ODF4: variants seen among roughly 807,000 people sequenced by gnomAD.
The protein encoded by ODF4 is outer dense fiber of sperm tails 4.
ODF4 carries 11 observed loss-of-function variants against 17.0 expected under a neutral mutation model. That is an observed-to-expected ratio of 0.65 (90% CI 0.41 to 1.07). ODF4 has a LOEUF of 1.07. ODF4 is among the 50% of genes least tolerant of loss of function. The pLI, the probability that ODF4 is intolerant of heterozygous loss-of-function variation, is 0.00. For synonymous variants in ODF4, 127 were observed against 121.8 expected, an observed-to-expected ratio of 1.04 and a Z score of -0.28; for missense variants, 281 against 310.2, an observed-to-expected ratio of 0.91 and a Z score of 0.71.
At chr17:8,341,154 C>T (rs975722608) in intron 1 of ODF4, among the ~76,000 whole-genome samples, 1 of 151,166 alleles carries the variant, frequency 6.6e-6, no homozygotes, top group African/African-American at 2.4e-5. Flanking sequence ...CGCACCATTG[C>T]ACTCCAGCCT....
chr17:8,344,591 C>A lies in ODF4; in HGVS notation c.455-752C>A, dbSNP rs62064307. On this transcript the variant is annotated intron_variant, in intron 1 of 2. Coordinates refer to ENST00000328248, the MANE Select transcript of ODF4 (RefSeq NM_153007.5). ...ACAACCTCCGCTTCCCAGGTTCAAG[C>A]GATTCTCCTGCCTCAGCCTCCGGAG... 2.5e-5 allele frequency among the ~76,000 whole-genome samples: 3 copies of A among 122,426 alleles called. 1 individual carries two copies. The highest frequency in any genetic ancestry group is 1.0e-4 in the African/African-American group (3 of 29,134). 80.3% of individuals were successfully genotyped at this position (122,426 alleles called of 152,430 possible).
Position 8,340,482 on chromosome 17 carries a change from G to C in ODF4, c.431G>C (p.Cys144Ser). Residue 144 changes from cysteine to serine, a missense_variant, in exon 1 of 3, where the codon TGT becomes TCT. Cys to Ser is a moderately radical substitution (Grantham distance 112). Transcript: ENST00000328248. ...CTGCACTTTTACAAATCCAGGAGCT[G>C]TTCTGACTTAGAGAATGGGAAAGGT... ...GLLHFYKSRSCSDLENGKVTF... is the reference protein window; with the variant it reads ...GLLHFYKSRSSSDLENGKVTF... The C allele has an allele frequency of 6.2e-7, 1 of 1,611,768 alleles. No individual in the cohort carries two copies. Among genetic ancestry groups the C allele is most frequent in the South Asian group, 1.1e-5 (1 of 90,984 alleles).
Position 8,345,441 on chromosome 17 carries a change from A to G in ODF4, c.553A>G (p.Ile185Val). 6.2e-7 allele frequency: 1 copy of G among 1,614,060 alleles called. No homozygotes were observed. The highest frequency in any genetic ancestry group is 8.5e-7 in the Non-Finnish European group (1 of 1,179,960). The change falls in exon 2 of 3, where the codon ATT (isoleucine) becomes GTT (valine). Residue 185 changes from isoleucine to valine, a missense_variant. Transcript: ENST00000328248. This position sits in a 1 kb window ranked among gnomAD's most constrained non-coding sequence, Gnocchi z 4.1. ...VSIPIGWSYFIGWLVLILYFT... is the reference protein window; with the variant it reads ...VSIPIGWSYFVGWLVLILYFT... ...CATCCCCATAGGCTGGAGCTATTTC[A>G]TTGGTTGGCTGGTGCTTATCCTATA...
intron 1 of ODF4, among the ~76,000 whole-genome samples, chr17:8,341,150 A>G (rs1160645519): frequency 6.6e-6 from 1 of 151,912 alleles, no homozygotes; most frequent in Non-Finnish European, 1.5e-5. Flanking sequence ...AGACCGCACC[A>G]TTGCACTCCA....
intron 1 of ODF4, among the ~76,000 whole-genome samples, chr17:8,342,932 T>C (rs565839039): frequency 7.3e-5 from 11 of 151,580 alleles, no homozygotes; most frequent in African/African-American, 2.2e-4. Context: ...AGGGTCTCCC[T>C]CTGTTGCCCA....
chr17:8,341,314 G>T (rs2151656482), intron 1 of ODF4, among the ~76,000 whole-genome samples: 1 of 152,268 alleles, frequency 6.6e-6, no homozygotes. Flanking sequence ...TGTACCCAGA[G>T]CTTTGAGAGG....
rs1184043145 is a variant in ODF4 at position 8,345,864 on chromosome 17, C to T, written c.*12C>T. The T allele has an allele frequency of 1.2e-5, 20 of 1,609,586 alleles. No homozygotes were observed. The African/African-American group carries it at 2.4e-4, about 19-fold the overall frequency. On this transcript the variant is annotated 3_prime_UTR_variant, in exon 3 of 3. Transcript: ENST00000328248. This position sits in a 1 kb window ranked among gnomAD's most constrained non-coding sequence, Gnocchi z 4.1. ...ATACACATGTGTAATCTTTTCTGAA[C>T]TCCTGGCACCAAGTTCTGTCCATTC...
At position 8,344,884 on chromosome 17, in the gene ODF4, C is replaced by T. The variant is rs1415476812; in HGVS notation, c.455-459C>T. 4.0e-6 allele frequency: 4 copies of T among 990,328 alleles called. No individual in the cohort carries two copies. In the East Asian group the frequency reaches 3.3e-4, roughly 83 times the overall value. The allele number at this position is 990,328 out of a possible 1,614,324, so 61.3% of individuals were successfully genotyped here. A position where few individuals can be genotyped will look rare whatever the true frequency, so the allele number is the denominator to read the frequency against. ...GTCATTTTCCCCAGGCAGTTTTAAGCTGTGGACAATCAGCCCATGTTTAAG... is the reference window on the plus strand; with the variant it reads ...GTCATTTTCCCCAGGCAGTTTTAAGTTGTGGACAATCAGCCCATGTTTAAG... On this transcript the variant is annotated intron_variant, in intron 1 of 2. Transcript: ENST00000328248.
rs1287831810 is a variant in ODF4, at chr17:8,344,238, C to T, written c.455-1105C>T. 4.7e-5 allele frequency among the ~76,000 whole-genome samples: 6 copies of T among 127,808 alleles called. 1 individual carries two copies. Among genetic ancestry groups the T allele is most frequent in the Non-Finnish European group, 1.0e-4 (6 of 59,596 alleles). The allele number at this position is 127,808 out of a possible 152,430, so 83.8% of individuals were successfully genotyped here. A position where few individuals can be genotyped will look rare whatever the true frequency, so the allele number is the denominator to read the frequency against. On this transcript the variant is annotated intron_variant, in intron 1 of 2. Transcript: ENST00000328248. The stretch of plus-strand genomic sequence containing the variant: ...CATGCTCAGCCTCGATGGTTTTTCA[C>T]AAATCACATTTAATTAGCAATTCTT...
intron 1 of ODF4, among the ~76,000 whole-genome samples, chr17:8,341,945 C>T (rs945035443): frequency 6.6e-6 from 1 of 152,072 alleles, no homozygotes; most frequent in African/African-American, 2.4e-5. Context: ...TACACTTACT[C>T]CATTTGTTCA....
chr17:8,344,771 GTCACCGCGCCTGGCGGTACATTT>G (rs1329575512), intron 1 of ODF4: 1 of 656,334 alleles, frequency 1.5e-6, no homozygotes, highest in Non-Finnish European at 1.9e-6. Context: ...ACAGGCGTGA[GTCACCGCGCCTGGCGGTACATTT>G]TCTTGTATTT....
chr17:8,340,495 G>A lies in ODF4; in HGVS notation c.444G>A (p.Glu148=). 6.2e-7 allele frequency: 1 copy of A among 1,608,380 alleles called. No homozygotes were observed. The highest frequency in any genetic ancestry group is 2.2e-5 in the East Asian group (1 of 44,864). ...AATCCAGGAGCTGTTCTGACTTAGA[G>A]AATGGGAAAGGTGAGCCCCTCCACC... ...FYKSRSCSDL[E]NGKVTFIFST... is the part of the protein sequence containing the mutation. Residue 148 remains glutamate, a synonymous_variant, in exon 1 of 3, where the codon GAG becomes GAA. Coordinates refer to ENST00000328248, the MANE Select transcript of ODF4 (RefSeq NM_153007.5).
rs147153349 is a variant in ODF4, at chr17:8,340,232, C to T, written c.181C>T (p.Arg61Cys). The T allele has an allele frequency of 2.1e-5, 34 of 1,613,964 alleles. No homozygotes were observed. Among genetic ancestry groups the T allele is most frequent in the African/African-American group, 1.7e-4 (13 of 74,920 alleles). The change falls in exon 1 of 3, where the codon CGC becomes TGC. Residue 61 changes from arginine (R) to cysteine (C), a missense_variant. Coordinates refer to ENST00000328248, the MANE Select transcript of ODF4 (RefSeq NM_153007.5). ...SLSSNRSLGQ[R>C]QNSPLPFQWR... ...CAGTAGTAACAGGTCCTTGGGCCAG[C>T]GCCAGAACTCTCCGCTGCCCTTTCA...
intron 1 of ODF4, among the ~76,000 whole-genome samples, chr17:8,344,302 C>T (rs1294520019): frequency 1.6e-5 from 2 of 127,692 alleles, no homozygotes; most frequent in Non-Finnish European, 3.4e-5. Flanking sequence ...ATTTGTACTC[C>T]TTCTTTGGAG....
rs1906219534 is a variant in ODF4, at chr17:8,345,723, C to T, written c.645C>T (p.Pro215=). Residue 215 remains proline (P), a synonymous_variant, in exon 3 of 3, where the codon CCC becomes CCT. Coordinates refer to ENST00000328248, the MANE Select transcript of ODF4 (RefSeq NM_153007.5). This position sits in a 1 kb window ranked among gnomAD's most constrained non-coding sequence, Gnocchi z 4.1. ...KSFWSLILSH[P]SGAVSCSSSF... ...TCTGGAGTCTGATTCTGAGCCACCC[C>T]AGTGGTGCCGTGTCCTGCAGCAGCA... is the stretch of plus-strand genomic sequence containing the variant. 1.2e-6 allele frequency: 2 copies of T among 1,614,160 alleles called. No individual in the cohort carries two copies. Among genetic ancestry groups the T allele is most frequent in the Non-Finnish European group, 1.7e-6 (2 of 1,180,004 alleles).
At chr17:8,342,374 A>C (rs60447353) in intron 1 of ODF4, among the ~76,000 whole-genome samples, 52,364 of 151,500 alleles carry the variant, frequency 0.35, 9,335 homozygotes, top group African/African-American at 0.45. Context: ...TCCCAAGTAG[A>C]TGGGATTACA....
rs1460640932 is a variant in ODF4, at chr17:8,340,326, T to A, written c.275T>A (p.Phe92Tyr). The change falls in exon 1 of 3, where the codon TTT (phenylalanine) becomes TAT (tyrosine). Residue 92 changes from phenylalanine (F) to tyrosine (Y), a missense_variant. Coordinates refer to ENST00000328248, the MANE Select transcript of ODF4 (RefSeq NM_153007.5). Reference sequence around the variant, plus strand: ...GCCTCTGAGCTCAGCCTGGTTGCCTTTATCCTACTATTGGTCGTGGCCTTC... The same window carrying A: ...GCCTCTGAGCTCAGCCTGGTTGCCTATATCCTACTATTGGTCGTGGCCTTC... Reference protein sequence around the residue: ...VLASELSLVAFILLLVVAFSK... With the variant: ...VLASELSLVAYILLLVVAFSK... The A allele has an allele frequency of 6.2e-7, 1 of 1,613,250 alleles. No homozygotes were observed. The highest frequency in any genetic ancestry group is 1.1e-5 in the South Asian group (1 of 90,932).
intron 1 of ODF4, among the ~76,000 whole-genome samples, chr17:8,344,190 G>A (rs1293604306): frequency 1.6e-5 from 2 of 126,462 alleles, no homozygotes; most frequent in Non-Finnish European, 3.4e-5. Context: ...TCCCAAAGTG[G>A]TGGGATTACA....
Position 8,340,279 on chromosome 17 carries a change from C to G in ODF4, c.228C>G (p.Phe76Leu). The change falls in exon 1 of 3, where the codon TTC (phenylalanine) becomes TTG (leucine). Residue 76 changes from phenylalanine (F) to leucine (L), a missense_variant. Transcript: ENST00000328248. The part of the protein sequence containing the change: ...LPFQWRITHS[F>L]RWMAQVLASE... ...TTCAATGGAGAATCACACACAGCTT[C>G]CGCTGGATGGCCCAGGTGTTGGCCT... 6.2e-7 allele frequency: 1 copy of G among 1,614,088 alleles called. No individual in the cohort carries two copies. The highest frequency in any genetic ancestry group is 8.5e-7 in the Non-Finnish European group (1 of 1,179,970).
Sources: gnomAD v4.1 joint callset for allele counts (sites outside exome capture counted in the v4.1 genomes callset) on GRCh38, gnomAD v4.1.1 for gene constraint, Gnocchi (gnomAD v3.1) non-coding constraint, MANE v1.5 for transcripts, NCBI Gene and HGNC (gene_info 2026-07-23, HGNC 2026-07-21) for gene names.